FAM135A: variants seen among roughly 807,000 people sequenced by gnomAD.
FAM135A encodes the protein family with sequence similarity 135 member A.
In FAM135A, 79 loss-of-function variants were observed where a neutral mutation model predicts 146.8. The ratio of observed to expected loss-of-function variants is 0.54; its 90% CI spans 0.45 to 0.65. The LOEUF is 0.65. Among genes scored for constraint, FAM135A ranks in the 30% least tolerant of loss-of-function variants. The pLI is 0.00. For synonymous variants in FAM135A, 562 were observed against 603.6 expected, an observed-to-expected ratio of 0.93 and a Z score of 1.01; for missense variants, 1,623 against 1,758.2, an observed-to-expected ratio of 0.92 and a Z score of 1.38.
At chr6:70,473,211 C>T (rs1380465324) in intron 5 of FAM135A, among the ~76,000 whole-genome samples, 2 of 152,136 alleles carry the variant, frequency 1.3e-5, no homozygotes, top group Admixed American at 6.5e-5. Flanking sequence ...CTAATCACTT[C>T]CTTACTTTCT....
intron 4 of FAM135A, among the ~76,000 whole-genome samples, chr6:70,450,203 TCC>T (rs1255875676): frequency 2.0e-5 from 3 of 152,310 alleles, no homozygotes; most frequent in Non-Finnish European, 4.4e-5. Flanking sequence ...ACTTTTTTTT[TCC>T]AAATCTGTGG....
chr6:70,458,511 A>G (rs1778806467), intron 5 of FAM135A, among the ~76,000 whole-genome samples: 1 of 152,148 alleles, frequency 6.6e-6, no homozygotes, highest in African/African-American at 2.4e-5. Flanking sequence ...CCTGCCTGAC[A>G]CTATTCCCAA....
intron 16 of FAM135A, among the ~76,000 whole-genome samples, chr6:70,531,237 T>G (rs1235044633): frequency 6.6e-6 from 1 of 152,226 alleles, no homozygotes; most frequent in African/African-American, 2.4e-5. Context: ...GCAAAATGCC[T>G]TGAGCATTCC....
Position 70,559,726 on chromosome 6 carries a change from T to TGGA in FAM135A, c.4353_4354insGGA (p.Tyr1451_Ser1452insGly). On this transcript the variant is annotated inframe_insertion, in exon 22 of 22. Transcript: ENST00000418814. ...CTGTTGGTTCCATAGGACAGATCTA[T>TGGA]TCAGAAATGATCCACAACTTGCTTC... 1 of 1,614,090 alleles carries TGGA rather than the reference T, an allele frequency of 6.2e-7. No individual in the cohort carries two copies. The highest frequency in any genetic ancestry group is 8.5e-7 in the Non-Finnish European group (1 of 1,179,980).
intron 12 of FAM135A, among the ~76,000 whole-genome samples, chr6:70,508,594 G>T (rs1203281787): frequency 6.6e-6 from 1 of 152,156 alleles, no homozygotes; most frequent in Non-Finnish European, 1.5e-5. Flanking sequence ...TAGCATTGCT[G>T]CCCTAACCAA....
rs879867649 is a variant in FAM135A, at chr6:70,462,626, TA to T, written c.157+10068del. ...TTACAAGAAATCAGCCCAGGTTGGT[TA>T]AAAAAAAAAAAATGCAGCTATTGGT... is the stretch of plus-strand genomic sequence containing the variant. On this transcript the variant is annotated intron_variant, in intron 5 of 21. Transcript: ENST00000418814. Among the ~76,000 whole-genome samples, 1,445 of 145,266 alleles carry T rather than the reference TA, an allele frequency of 9.9e-3. 6 individuals are homozygous for T. The highest frequency in any genetic ancestry group is 0.011 in the Non-Finnish European group (729 of 65,710).
chr6:70,522,614 T>G, intron 13 of FAM135A, 28 bp downstream of exon 13: 1 of 1,554,396 alleles, frequency 6.4e-7, no homozygotes, highest in Non-Finnish European at 8.9e-7. Context: ...AAAATTAAAA[T>G]GATATTACTT....
intron 15 of FAM135A, 62 bp from the exon 16 acceptor site, chr6:70,528,230 A>G (rs1200020117): frequency 1.4e-6 from 2 of 1,465,222 alleles, no homozygotes; most frequent in Admixed American, 4.7e-5. Flanking sequence ...CTCTAAATTC[A>G]GGAGGGTTCT....
At position 70,559,954 on chromosome 6, in the gene FAM135A, C is replaced by G; in HGVS notation, c.*33C>G. On this transcript the variant is annotated 3_prime_UTR_variant, in exon 22 of 22. Transcript: ENST00000418814. ...GCATTGTTAGCGACTGGACAATTAC[C>G]TCATTCAACAATGTTTCAAATAATG... 1 of 1,500,470 alleles carries G rather than the reference C, an allele frequency of 6.7e-7. No homozygotes were observed. The highest frequency in any genetic ancestry group is 9.2e-7 in the Non-Finnish European group (1 of 1,086,562). 92.9% of individuals were successfully genotyped at this position (1,500,470 alleles called of 1,614,324 possible).
intron 19 of FAM135A, 111 bp downstream of exon 19, chr6:70,536,522 G>C: frequency 1.1e-6 from 1 of 885,574 alleles, no homozygotes; most frequent in Non-Finnish European, 1.5e-6. Context: ...TGGAAATTTC[G>C]TGAAATAAAA....
At chr6:70,529,782 G>T (rs991832170) in intron 16 of FAM135A, among the ~76,000 whole-genome samples, 2 of 152,104 alleles carry the variant, frequency 1.3e-5, no homozygotes, top group Non-Finnish European at 2.9e-5. Context: ...TACTTAATGG[G>T]CCGGGCGCTG....
intron 3 of FAM135A, 147 bp from the exon 4 acceptor site, chr6:70,428,157 T>G: frequency 2.3e-6 from 1 of 435,892 alleles, no homozygotes. Context: ...TCCTATTTAG[T>G]TGGGTTAGGT....
intron 18 of FAM135A, among the ~76,000 whole-genome samples, chr6:70,534,390 G>A (rs1284641388): frequency 1.4e-5 from 2 of 143,232 alleles, no homozygotes; most frequent in East Asian, 2.0e-4. Flanking sequence ...CGCCATCTCG[G>A]CTCACTGCAG....
Position 70,522,533 on chromosome 6 carries a change from A to G in FAM135A, c.1050A>G (p.Ala350=), listed in dbSNP as rs1793835623. 6.2e-7 allele frequency: 1 copy of G among 1,613,638 alleles called. No individual in the cohort carries two copies. The highest frequency in any genetic ancestry group is 1.7e-5 in the Admixed American group (1 of 59,980). ...HTLRVRRFSE[A]FFCFEHPREA... ...TTTAGGTACGCAGATTTTCTGAGGC[A>G]TTCTTTTGTTTTGAGCATCCAAGAG... The change falls in exon 13 of 22, where the codon GCA becomes GCG. Residue 350 remains alanine (A), a synonymous_variant. Coordinates refer to ENST00000418814, the MANE Select transcript of FAM135A (RefSeq NM_001162529.3).
chr6:70,518,180 TTAG>T (rs1297145405), intron 12 of FAM135A, among the ~76,000 whole-genome samples: 2 of 152,314 alleles, frequency 1.3e-5, no homozygotes, highest in African/African-American at 4.8e-5. Flanking sequence ...TGAAACAGCC[TTAG>T]TAGTGATGTG....
intron 20 of FAM135A, among the ~76,000 whole-genome samples, chr6:70,552,622 C>A (rs531543382): frequency 3.2e-4 from 49 of 152,110 alleles, no homozygotes; most frequent in African/African-American, 1.2e-3. Context: ...GTGCCTGCCA[C>A]CGTGCCCAGC....
rs551602861 is a variant in FAM135A, at chr6:70,475,876, A to G, written c.368+143A>G. 23 of 650,968 alleles carry G rather than the reference A, an allele frequency of 3.5e-5. No homozygotes were observed. The South Asian group carries it at 4.7e-4, about 13-fold the overall frequency. The allele number at this position is 650,968 out of a possible 1,614,324, so 40.3% of individuals were successfully genotyped here. On this transcript the variant is annotated intron_variant, in intron 7 of 21. Coordinates refer to ENST00000418814, the MANE Select transcript of FAM135A (RefSeq NM_001162529.3). ...TGTTTTCTGGGGAAACTTCATGAGA[A>G]TGATTAGGCCAGCTCTATTGTGCCC...
chr6:70,446,301 C>T (rs1290168736), intron 4 of FAM135A, among the ~76,000 whole-genome samples: 6 of 152,072 alleles, frequency 3.9e-5, no homozygotes, highest in Non-Finnish European at 8.8e-5. Flanking sequence ...GTTGAGGTGC[C>T]ACTATACCAC....
rs1022649572 is a variant in FAM135A, at chr6:70,415,330, C to T, written c.-180C>T. 6 of 152,094 alleles carry T rather than the reference C, an allele frequency of 3.9e-5. No homozygotes were observed. Among genetic ancestry groups the T allele is most frequent in the African/African-American group, 1.2e-4 (5 of 41,420 alleles). The allele number at this position is 152,094 out of a possible 1,614,324, so 9.4% of individuals were successfully genotyped here. A position where few individuals can be genotyped will look rare whatever the true frequency, so the allele number is the denominator to read the frequency against. On this transcript the variant is annotated 5_prime_UTR_variant, in exon 2 of 22. Transcript: ENST00000418814. ...TGGATTATGTATTTGGTTCTGGAAT[C>T]TCAAAGCAGTCCACAAACAAATTCT...
Sources: allele counts gnomAD v4.1 joint callset (sites outside exome capture counted in the v4.1 genomes callset), GRCh38; gene constraint gnomAD v4.1.1; transcripts MANE v1.5; gene names NCBI Gene and HGNC (gene_info 2026-07-23, HGNC 2026-07-21).